Variants in MAD1L1 observed in about 807,000 individuals in gnomAD.
MAD1L1 encodes the protein mitotic spindle assembly checkpoint protein MAD1.
In MAD1L1, 95 loss-of-function variants were observed where a neutral mutation model predicts 96.9. That is an observed-to-expected ratio of 0.98 (90% CI 0.83 to 1.16). The LOEUF (loss-of-function observed/expected upper bound fraction) is 1.16. Among genes scored for constraint, MAD1L1 ranks in the 50% most tolerant of loss-of-function variants. The pLI, the probability that MAD1L1 is intolerant of heterozygous loss-of-function variation, is 0.00. For missense variants in MAD1L1, 1,007 were observed against 954.4 expected, an observed-to-expected ratio of 1.06 and a Z score of -0.73; for synonymous variants, 473 against 396.6, an observed-to-expected ratio of 1.19 and a Z score of -2.29.
rs187218823 is a variant in MAD1L1, at chr7:2,146,709, C to T, written c.1073+2443G>A. On this transcript the variant is annotated intron_variant, in intron 11 of 18. Coordinates refer to ENST00000265854, the MANE Select transcript of MAD1L1 (RefSeq NM_001013836.2). The surrounding 1 kb of genome is among the most constrained non-coding windows in gnomAD (Gnocchi z 6.2). ...AATGAGGCCCGCCTGGCAAAGCCCT[C>T]GGGGATCTGGGCCACCGTGGCCTCC... Among the ~76,000 whole-genome samples the T allele has an allele frequency of 3.5e-3, 531 of 152,314 alleles. 8 individuals are homozygous for T. Among genetic ancestry groups the T allele is most frequent in the East Asian group, 0.014 (72 of 5,188 alleles).
chr7:2,063,134 C>T (rs1430173857), intron 12 of MAD1L1, among the ~76,000 whole-genome samples: 3 of 152,142 alleles, frequency 2.0e-5, no homozygotes, highest in Non-Finnish European at 4.4e-5. Flanking sequence ...GACACGGGAA[C>T]TTGCTGTATT....
At chr7:2,102,432 C>A (rs926040067) in intron 11 of MAD1L1, among the ~76,000 whole-genome samples, 2 of 146,784 alleles carry the variant, frequency 1.4e-5, no homozygotes, top group Admixed American at 6.9e-5. Context: ...ACCACTGTCA[C>A]CCTCACCACC....
intron 14 of MAD1L1, among the ~76,000 whole-genome samples, chr7:1,993,856 G>T: frequency 6.6e-6 from 1 of 152,236 alleles, no homozygotes; most frequent in East Asian, 1.9e-4. Context: ...GCACTCGGCA[G>T]ATGCTTTAAA....
At chr7:1,939,001 A>ACACACACACGCACACACACG in intron 16 of MAD1L1, among the ~76,000 whole-genome samples, 1 of 117,422 alleles carries the variant, frequency 8.5e-6, no homozygotes, top group African/African-American at 3.0e-5. Flanking sequence ...ACACACACGC[A>ACACACACACGCACACACACG]CACACACACA....
At chr7:1,935,028 G>A (rs1405042562) in intron 17 of MAD1L1, among the ~76,000 whole-genome samples, 1 of 151,288 alleles carries the variant, frequency 6.6e-6, no homozygotes, top group African/African-American at 2.4e-5. Flanking sequence ...CGAACAGACG[G>A]GCAAACCCGA....
chr7:2,138,734 C>G (rs541351999), intron 11 of MAD1L1, among the ~76,000 whole-genome samples: 1 of 152,278 alleles, frequency 6.6e-6, no homozygotes, highest in Non-Finnish European at 1.5e-5. Flanking sequence ...TGCACATACC[C>G]TTCAAAGAAA....
chr7:1,938,052 CCGCCCACGGCAGGGAGG>C (rs1778698741), intron 16 of MAD1L1, among the ~76,000 whole-genome samples: 1 of 660 alleles, frequency 1.5e-3, no homozygotes, highest in African/African-American at 8.5e-3. Context: ...CAAACATCAG[CCGCCCACGGCAGGGAGG>C]TGCAGGGTCA....
intron 18 of MAD1L1, among the ~76,000 whole-genome samples, chr7:1,882,295 C>T (rs142722298): frequency 0.013 from 2,003 of 152,362 alleles, 37 homozygotes; most frequent in African/African-American, 0.045. Flanking sequence ...TCCTGAACCA[C>T]AGCTGAAGCA....
chr7:2,215,951 C>A lies in MAD1L1; in HGVS notation c.858G>T (p.Leu286=). ...TCTCCTGGCGCCCCAGCTTCCTCTG[C>A]AGCCCTTCCAGCTCTTCCTGGAGCA... is the stretch of plus-strand genomic sequence containing the variant. ...NGLLQEELEG[L]QRKLGRQEKM... is the part of the protein sequence containing the mutation. Residue 286 remains leucine (L), a synonymous_variant, in exon 9 of 19, where the codon CTG becomes CTT. Coordinates refer to ENST00000265854, the MANE Select transcript of MAD1L1 (RefSeq NM_001013836.2). 1.9e-6 allele frequency: 3 copies of A among 1,614,212 alleles called. No homozygotes were observed. Among genetic ancestry groups the A allele is most frequent in the Admixed American group, 1.7e-5 (1 of 60,034 alleles).
intron 12 of MAD1L1, among the ~76,000 whole-genome samples, chr7:2,045,221 T>C (rs571418685): frequency 6.6e-6 from 1 of 152,162 alleles, no homozygotes; most frequent in African/African-American, 2.4e-5. Context: ...TGGCTGTGAA[T>C]CCCTGTAAGA....
chr7:1,989,071 C>T (rs1781289322), intron 14 of MAD1L1, among the ~76,000 whole-genome samples: 2 of 152,236 alleles, frequency 1.3e-5, no homozygotes, highest in African/African-American at 4.8e-5. Flanking sequence ...AACCCATTTA[C>T]AAAGTGGGCA....
At chr7:2,072,873 T>C (rs1180191884) in intron 11 of MAD1L1, among the ~76,000 whole-genome samples, 1 of 152,176 alleles carries the variant, frequency 6.6e-6, no homozygotes, top group Non-Finnish European at 1.5e-5. Context: ...GAGGGTGCGC[T>C]CACATCTGTG....
chr7:1,880,752 C>A (rs1047452662), intron 18 of MAD1L1, among the ~76,000 whole-genome samples: 4 of 152,246 alleles, frequency 2.6e-5, no homozygotes, highest in African/African-American at 9.6e-5. Flanking sequence ...GTAGGGCGTC[C>A]CAGTCACTCA....
chr7:2,020,950 A>G (rs958640168), intron 12 of MAD1L1, among the ~76,000 whole-genome samples: 1 of 152,226 alleles, frequency 6.6e-6, no homozygotes, highest in Admixed American at 6.5e-5. Context: ...ACATATGCAG[A>G]AAGTATAGGA....
In MAD1L1 at chr7:1,968,512, G is replaced by A. The variant is rs575724584; in HGVS notation, c.1506-10793C>T. ...TCCACTGTCCATGCCTCAGTCCGGC[G>A]GTCAGGTCCACCGTCAATGCCAGCG... is the stretch of plus-strand genomic sequence containing the variant. On this transcript the variant is annotated intron_variant, in intron 15 of 18. Transcript: ENST00000265854. This position sits in a 1 kb window ranked among gnomAD's most constrained non-coding sequence, Gnocchi z 5.6. 5.1e-4 allele frequency among the ~76,000 whole-genome samples: 76 copies of A among 149,540 alleles called. No individual in the cohort carries two copies. The highest frequency in any genetic ancestry group is 1.4e-3 in the East Asian group (7 of 5,040).
intron 9 of MAD1L1, 71 bp from the exon 10 acceptor site, chr7:2,213,344 TG>T: frequency 7.1e-7 from 1 of 1,410,040 alleles, no homozygotes; most frequent in Non-Finnish European, 1.0e-6. Context: ...CTGACAATCA[TG>T]ATCACGGTGC....
chr7:1,905,526 C>T (rs1787574357), intron 17 of MAD1L1, among the ~76,000 whole-genome samples: 1 of 151,986 alleles, frequency 6.6e-6, no homozygotes, highest in South Asian at 2.1e-4. Context: ...AGCGAGGACA[C>T]AGTGGCCTAT....
chr7:1,975,585 C>A (rs1275673616), intron 15 of MAD1L1, among the ~76,000 whole-genome samples: 1 of 152,212 alleles, frequency 6.6e-6, no homozygotes, highest in African/African-American at 2.4e-5. Flanking sequence ...GGACTTAGAG[C>A]AGCGGTGTTT....
chr7:2,008,551 T>C (rs1782140131), intron 13 of MAD1L1, among the ~76,000 whole-genome samples: 2 of 152,158 alleles, frequency 1.3e-5, no homozygotes, highest in African/African-American at 4.8e-5. Context: ...GCGGAGATGG[T>C]GGGATGGAGA....
Sources: allele counts gnomAD v4.1 joint callset (sites outside exome capture counted in the v4.1 genomes callset), GRCh38; gene constraint gnomAD v4.1.1; non-coding constraint Gnocchi (gnomAD v3.1); transcripts MANE v1.5; gene names NCBI Gene and HGNC (gene_info 2026-07-23, HGNC 2026-07-21).